The following TMEM132B variants were observed in gnomAD, a reference collection of about 807,000 sequenced individuals.
TMEM132B encodes the protein transmembrane protein 132B.
In TMEM132B, 18 loss-of-function variants were observed where a neutral mutation model predicts 90.8. The ratio of observed to expected loss-of-function variants is 0.20; its 90% CI spans 0.14 to 0.29. The LOEUF is 0.29. Among genes scored for constraint, TMEM132B ranks in the 10% least tolerant of loss-of-function variants. The pLI, the probability that TMEM132B is intolerant of heterozygous loss-of-function variation, is 1.00. For missense variants in TMEM132B, 1,096 were observed against 1,326.8 expected (o/e 0.83, Z 2.70); for synonymous variants, 504 against 523.3 (o/e 0.96, Z 0.50).
At chr12:125,300,723 CAT>C (rs1251928884) in intron 1 of TMEM132B, among the ~76,000 whole-genome samples, 2 of 152,164 alleles carry the variant, frequency 1.3e-5, no homozygotes, top group Non-Finnish European at 2.9e-5. Context: ...GCAACTAAGA[CAT>C]AGAGAGGTGG....
In TMEM132B at chr12:125,265,001, C is replaced by T. The variant is rs147916913; in HGVS notation, c.67+78135C>T. On this transcript the variant is annotated intron_variant, in intron 1 of 8. Coordinates refer to ENST00000682704, the MANE Select transcript of TMEM132B (RefSeq NM_001366854.1). ...GCGAACATCACAAAGTATATTTATA[C>T]AGACCCAGGTGGTAGAGCCTGCTAC... 5.7e-3 allele frequency among the ~76,000 whole-genome samples: 868 copies of T among 152,332 alleles called. 8 individuals carry two copies. Among genetic ancestry groups the T allele is most frequent in the African/African-American group, 0.02 (819 of 41,568 alleles).
intron 7 of TMEM132B, 58 bp downstream of exon 7, chr12:125,651,011 T>C (rs1886901867): frequency 6.3e-7 from 1 of 1,591,384 alleles, no homozygotes; most frequent in African/African-American, 1.3e-5. Context: ...GCCAGGTAGA[T>C]GCTGTTGTGC....
chr12:125,361,055 T>C (rs2136250104), intron 2 of TMEM132B, among the ~76,000 whole-genome samples: 1 of 152,238 alleles, frequency 6.6e-6, no homozygotes, highest in Admixed American at 6.5e-5. Context: ...GCAATTTGAC[T>C]GTGATGCTTG....
At chr12:125,643,584 C>G (rs747103383) in intron 5 of TMEM132B, among the ~76,000 whole-genome samples, 3 of 152,190 alleles carry the variant, frequency 2.0e-5, no homozygotes, top group Non-Finnish European at 4.4e-5. Flanking sequence ...ATGCATTTCA[C>G]AACTATTTTG....
intron 6 of TMEM132B, among the ~76,000 whole-genome samples, chr12:125,644,680 G>A (rs915993231): frequency 6.6e-6 from 1 of 152,060 alleles, no homozygotes; most frequent in African/African-American, 2.4e-5. Flanking sequence ...CCTCCATGGA[G>A]CACAGTACAG....
At chr12:125,446,331 A>C (rs1881005666) in intron 3 of TMEM132B, among the ~76,000 whole-genome samples, 1 of 152,142 alleles carries the variant, frequency 6.6e-6, no homozygotes, top group African/African-American at 2.4e-5. Flanking sequence ...TTTCTTATTG[A>C]TTTGTATGAG....
At chr12:125,380,019 G>A (rs1878627485) in intron 2 of TMEM132B, among the ~76,000 whole-genome samples, 1 of 152,246 alleles carries the variant, frequency 6.6e-6, no homozygotes, top group South Asian at 2.1e-4. Flanking sequence ...GTGCAGGAAA[G>A]AAATGGAGCT....
chr12:125,220,756 G>T (rs910330876), intron 1 of TMEM132B, among the ~76,000 whole-genome samples: 1 of 152,212 alleles, frequency 6.6e-6, no homozygotes, highest in East Asian at 1.9e-4. Context: ...TTCCCAGATC[G>T]TAGGAGCGTG....
chr12:125,530,494 TATTAGTTTTCTAGGGCTGCAGTAACAA>T (rs1171409825), intron 4 of TMEM132B, among the ~76,000 whole-genome samples: 1 of 152,228 alleles, frequency 6.6e-6, no homozygotes, highest in African/African-American at 2.4e-5. Context: ...TTGGGTGCTA[TATTAGTTTTCTAGGGCTGCAGTAACAA>T]ATTACCCCAA....
intron 3 of TMEM132B, among the ~76,000 whole-genome samples, chr12:125,497,389 G>A (rs758247011): frequency 2.0e-5 from 3 of 152,206 alleles, no homozygotes; most frequent in East Asian, 1.9e-4. Flanking sequence ...ATTTCAGGCC[G>A]ATTTCATTTA....
chr12:125,495,424 G>A (rs1882538189), intron 3 of TMEM132B, among the ~76,000 whole-genome samples: 1 of 152,016 alleles, frequency 6.6e-6, no homozygotes, highest in Non-Finnish European at 1.5e-5. Flanking sequence ...CATGGCTCCA[G>A]GCCTCAAGGG....
intron 2 of TMEM132B, among the ~76,000 whole-genome samples, chr12:125,364,921 A>T (rs1297819079): frequency 6.6e-6 from 1 of 152,032 alleles, no homozygotes; most frequent in Non-Finnish European, 1.5e-5. Flanking sequence ...TGTAGATAGC[A>T]TACACTTGTG....
chr12:125,564,064 G>A (rs1884605510), intron 4 of TMEM132B, among the ~76,000 whole-genome samples: 1 of 152,186 alleles, frequency 6.6e-6, no homozygotes, highest in South Asian at 2.1e-4. Context: ...GCCCACTCAC[G>A]TGTTTGAAGA....
chr12:125,237,738 C>A (rs567296911), intron 1 of TMEM132B, among the ~76,000 whole-genome samples: 1 of 152,346 alleles, frequency 6.6e-6, no homozygotes, highest in East Asian at 1.9e-4. Context: ...TGTGAGCCAC[C>A]ATGCCCGGCC....
chr12:125,532,608 G>A (rs1175160464), intron 4 of TMEM132B, among the ~76,000 whole-genome samples: 1 of 151,518 alleles, frequency 6.6e-6, no homozygotes, highest in African/African-American at 2.4e-5. Context: ...TCCGCCTCCT[G>A]AATTCAAGCA....
At chr12:125,641,506 G>A (rs2137022419) in intron 5 of TMEM132B, among the ~76,000 whole-genome samples, 1 of 152,248 alleles carries the variant, frequency 6.6e-6, no homozygotes, top group Middle Eastern at 3.4e-3. Flanking sequence ...TACTTAAAAT[G>A]GAGGCATACA....
chr12:125,644,015 G>A, intron 5 of TMEM132B, 61 bp from the exon 6 acceptor site: 1 of 1,483,448 alleles, frequency 6.7e-7, no homozygotes, highest in Non-Finnish European at 9.4e-7. Context: ...TTTCACTGTT[G>A]TTGTTTTTTC....
intron 3 of TMEM132B, among the ~76,000 whole-genome samples, chr12:125,473,715 G>C (rs933496755): frequency 1.3e-5 from 2 of 152,196 alleles, no homozygotes; most frequent in African/African-American, 4.8e-5. Context: ...CACATTCTTT[G>C]AGAGATGCCA....
At chr12:125,606,801 C>T (rs564198068) in intron 5 of TMEM132B, among the ~76,000 whole-genome samples, 9 of 152,320 alleles carry the variant, frequency 5.9e-5, no homozygotes, top group East Asian at 1.9e-4. Context: ...GAACTTAGAG[C>T]GGCAGGTGCT....
Sources: gnomAD v4.1 joint callset for allele counts (sites outside exome capture counted in the v4.1 genomes callset) on GRCh38, gnomAD v4.1.1 for gene constraint, MANE v1.5 for transcripts, NCBI Gene and HGNC (gene_info 2026-07-23, HGNC 2026-07-21) for gene names.